Variants in CFAP54 observed in about 807,000 individuals in gnomAD.
The protein encoded by CFAP54 is cilia- and flagella-associated protein 54.
Under a neutral mutation model 370.4 loss-of-function variants are expected in CFAP54, and 290 were observed. That is an observed-to-expected ratio of 0.78 (90% CI 0.71 to 0.86). The LOEUF (loss-of-function observed/expected upper bound fraction) is 0.86, where lower values mean the gene tolerates loss of function less well. Among genes scored for constraint, CFAP54 ranks in the 40% least tolerant of loss-of-function variants. The pLI, the probability that CFAP54 is intolerant of heterozygous loss-of-function variation, is 0.00. For missense variants in CFAP54, 3,399 were observed against 3,528.7 expected (o/e 0.96, Z 0.93); for synonymous variants, 1,206 against 1,236.5 (o/e 0.98, Z 0.52).
chr12:96,843,364 A>C (rs1959245760), intron 66 of CFAP54, among the ~76,000 whole-genome samples: 1 of 152,192 alleles, frequency 6.6e-6, no homozygotes, highest in Admixed American at 6.5e-5. Context: ...TGCCAGTAAT[A>C]CCATTTCTTG....
chr12:96,501,106 G>T, intron 2 of CFAP54, 167 bp downstream of exon 2: 1 of 484,648 alleles, frequency 2.1e-6, no homozygotes, highest in Non-Finnish European at 3.7e-6. Flanking sequence ...AAAAAGTGTT[G>T]CTTTTTAATT....
At position 96,561,773 on chromosome 12, in the gene CFAP54, C is replaced by CTTTTT. The variant is rs376442763; in HGVS notation, c.2411-2680_2411-2676dup. Among the ~76,000 whole-genome samples, 15 of 94,852 alleles carry CTTTTT rather than the reference C, an allele frequency of 1.6e-4. 1 individual carries two copies. The highest frequency in any genetic ancestry group is 6.4e-4 in the African/African-American group (15 of 23,392). The allele number at this position is 94,852 out of a possible 152,430, so 62.2% of individuals were successfully genotyped here. ...TGTATATATATTTAAATCACAAGTT[C>CTTTTT]TTTTTTTTTTTTTTTTTTTGAGATG... On this transcript the variant is annotated intron_variant, in intron 17 of 67. Coordinates refer to ENST00000524981, the MANE Select transcript of CFAP54 (RefSeq NM_001306084.2).
chr12:96,701,659 G>T (rs1337958351), intron 46 of CFAP54, among the ~76,000 whole-genome samples: 1 of 152,102 alleles, frequency 6.6e-6, no homozygotes, highest in African/African-American at 2.4e-5. Flanking sequence ...GCCATGGAAA[G>T]ATCTGAGGGA....
intron 62 of CFAP54, among the ~76,000 whole-genome samples, chr12:96,789,081 C>A (rs17025924): frequency 6.6e-6 from 1 of 152,098 alleles, no homozygotes; most frequent in Non-Finnish European, 1.5e-5. Flanking sequence ...TAATGAGTAC[C>A]AAAGTAGACA....
intron 48 of CFAP54, among the ~76,000 whole-genome samples, chr12:96,716,480 G>T (rs1485201011): frequency 6.6e-6 from 1 of 152,196 alleles, no homozygotes; most frequent in Non-Finnish European, 1.5e-5. Context: ...TGTCATGCTT[G>T]CTCCTAGCAG....
chr12:96,825,991 A>G (rs1174621425), intron 65 of CFAP54, among the ~76,000 whole-genome samples: 2 of 143,548 alleles, frequency 1.4e-5, no homozygotes, highest in Non-Finnish European at 3.0e-5. Flanking sequence ...GTATAAATTA[A>G]TAAATAACAA....
intron 60 of CFAP54, among the ~76,000 whole-genome samples, chr12:96,782,079 T>C (rs1958585748): frequency 6.6e-6 from 1 of 151,896 alleles, no homozygotes; most frequent in African/African-American, 2.4e-5. Flanking sequence ...CTTTAATAGA[T>C]TGAAAGAGAA....
At chr12:96,670,160 CA>C (rs113499587) in intron 39 of CFAP54, among the ~76,000 whole-genome samples, 5,999 of 152,218 alleles carry the variant, frequency 0.039, 297 homozygotes, top group African/African-American at 0.11. Context: ...GGAGTGTATA[CA>C]GAGAGGCATG....
intron 66 of CFAP54, among the ~76,000 whole-genome samples, chr12:96,837,353 T>A (rs1959189578): frequency 6.6e-6 from 1 of 152,200 alleles, no homozygotes; most frequent in African/African-American, 2.4e-5. Flanking sequence ...TAGCATCTTA[T>A]CTGGTACTGA....
intron 55 of CFAP54, among the ~76,000 whole-genome samples, chr12:96,745,056 A>G (rs904570288): frequency 1.3e-5 from 2 of 152,274 alleles, no homozygotes; most frequent in East Asian, 1.9e-4. Flanking sequence ...TCCATGGTGT[A>G]TATGTACCAC....
At chr12:96,826,782 A>C (rs1259574447) in intron 65 of CFAP54, among the ~76,000 whole-genome samples, 5 of 112,284 alleles carry the variant, frequency 4.5e-5, no homozygotes, top group African/African-American at 1.9e-4. Flanking sequence ...ATAATATATA[A>C]TTATAAATAA....
intron 50 of CFAP54, among the ~76,000 whole-genome samples, chr12:96,736,004 T>C (rs1390725676): frequency 6.6e-6 from 1 of 152,180 alleles, no homozygotes; most frequent in Non-Finnish European, 1.5e-5. Flanking sequence ...CAAGGCATGT[T>C]AATTATGCCC....
At chr12:96,804,713 A>G (rs1309984690) in intron 63 of CFAP54, among the ~76,000 whole-genome samples, 2 of 151,710 alleles carry the variant, frequency 1.3e-5, no homozygotes, top group African/African-American at 4.8e-5. Context: ...CAGGTTCAAT[A>G]TTTTTCACAG....
intron 22 of CFAP54, among the ~76,000 whole-genome samples, chr12:96,583,644 T>C (rs1956050691): frequency 1.3e-5 from 2 of 152,340 alleles, no homozygotes; most frequent in Non-Finnish European, 2.9e-5. Flanking sequence ...ATCCTTCCTC[T>C]GCCAAACCCA....
At chr12:96,729,690 C>T (rs1046647257) in intron 50 of CFAP54, among the ~76,000 whole-genome samples, 10 of 152,182 alleles carry the variant, frequency 6.6e-5, no homozygotes, top group African/African-American at 2.4e-4. Flanking sequence ...GCGCGCTGCA[C>T]CCACTGTCCT....
At chr12:96,539,088 T>TTTG (rs1955542493) in intron 13 of CFAP54, among the ~76,000 whole-genome samples, 1 of 147,750 alleles carries the variant, frequency 6.8e-6, no homozygotes, top group Non-Finnish European at 1.5e-5. Flanking sequence ...GTTTTTGTTT[T>TTTG]TGAGATGGAG....
chr12:96,495,344 G>T lies in CFAP54; in HGVS notation c.317+5418G>T, dbSNP rs1278166534. ...CTTTTTTGAGACAGTGTCTTGTTCT[G>T]TCGCCCAGGCTGGAGTGCAGTAGCC... On this transcript the variant is annotated intron_variant, in intron 1 of 67. Transcript: ENST00000524981. Among the ~76,000 whole-genome samples the T allele has an allele frequency of 2.8e-5, 4 of 144,882 alleles. No individual in the cohort carries two copies. The Admixed American group carries it at 2.9e-4, about 10-fold the overall frequency.
chr12:96,821,077 G>A (rs750525878), intron 65 of CFAP54, among the ~76,000 whole-genome samples: 11 of 152,056 alleles, frequency 7.2e-5, no homozygotes, highest in Non-Finnish European at 1.3e-4. Flanking sequence ...CTGAAGGTCC[G>A]TCTCTTAGCT....
chr12:96,510,238 G>C (rs112276635), intron 4 of CFAP54, among the ~76,000 whole-genome samples: 11,796 of 136,168 alleles, frequency 0.087, 956 homozygotes, highest in East Asian at 0.46. Flanking sequence ...GGGCAACAGA[G>C]CAAGACTCCA....
Sources: allele counts gnomAD v4.1 joint callset (sites outside exome capture counted in the v4.1 genomes callset), GRCh38; gene constraint gnomAD v4.1.1; transcripts MANE v1.5; gene names NCBI Gene and HGNC (gene_info 2026-07-23, HGNC 2026-07-21).